The following CACNA1E variants were observed in gnomAD, a reference collection of about 807,000 sequenced individuals.
The protein encoded by CACNA1E is voltage-dependent R-type calcium channel subunit alpha-1E.
CACNA1E carries 40 observed loss-of-function variants against 259.2 expected under a neutral mutation model. The observed-to-expected ratio is 0.15, with a 90% CI of 0.12 to 0.20. CACNA1E has a LOEUF of 0.20. Ranked by LOEUF, CACNA1E falls within the 10% of genes least tolerant of loss-of-function variation. CACNA1E has a pLI of 1.00. For synonymous variants in CACNA1E, 1,104 were observed against 1,138.5 expected, an observed-to-expected ratio of 0.97 and a Z score of 0.61; for missense variants, 1,874 against 3,040.1, an observed-to-expected ratio of 0.62 and a Z score of 9.02.
At chr1:181,618,365 G>A (rs1261819084) in intron 6 of CACNA1E, among the ~76,000 whole-genome samples, 1 of 152,184 alleles carries the variant, frequency 6.6e-6, no homozygotes, top group Non-Finnish European at 1.5e-5. Flanking sequence ...AGGAGTGTGA[G>A]ACCAGCCTGG....
chr1:181,423,139 TTA>T (rs1269709280), intron 2 of CACNA1E, among the ~76,000 whole-genome samples: 5 of 152,128 alleles, frequency 3.3e-5, no homozygotes, highest in African/African-American at 1.2e-4. Context: ...ACAACAATGT[TTA>T]TATGTACAGA....
At chr1:181,615,387 ACCATCTTGG>A in intron 6 of CACNA1E, among the ~76,000 whole-genome samples, 1 of 152,066 alleles carries the variant, frequency 6.6e-6, no homozygotes, top group Non-Finnish European at 1.5e-5. Context: ...ATGTGGTTTC[ACCATCTTGG>A]CCAGGCTGGT....
chr1:181,425,093 G>C (rs974863503), intron 2 of CACNA1E, among the ~76,000 whole-genome samples: 1 of 152,222 alleles, frequency 6.6e-6, no homozygotes, highest in African/African-American at 2.4e-5. Context: ...TTTCAGAAGA[G>C]ATATTTTTTC....
intron 6 of CACNA1E, among the ~76,000 whole-genome samples, chr1:181,611,389 T>C (rs1417382215): frequency 6.7e-6 from 1 of 149,484 alleles, no homozygotes; most frequent in Admixed American, 6.7e-5. Context: ...TTTTGCTTGA[T>C]TTTTAAGTCA....
At chr1:181,324,082 A>C (rs553294133) in intron 1 of CACNA1E, among the ~76,000 whole-genome samples, 109 of 152,036 alleles carry the variant, frequency 7.2e-4, no homozygotes, top group African/African-American at 2.6e-3. Flanking sequence ...TCTTCTACTC[A>C]CCTTTCCCCT....
intron 1 of CACNA1E, among the ~76,000 whole-genome samples, chr1:181,410,037 G>A (rs1033404819): frequency 1.3e-5 from 2 of 152,124 alleles, no homozygotes; most frequent in African/African-American, 2.4e-5. Flanking sequence ...AGACAGACAC[G>A]AGGGAAAGGA....
In CACNA1E at chr1:181,722,142, G is replaced by C. The variant is rs552225744; in HGVS notation, c.2074+267G>C. On this transcript the variant is annotated intron_variant, in intron 16 of 47. Coordinates refer to ENST00000367573, the MANE Select transcript of CACNA1E (RefSeq NM_001205293.3). Reference sequence around the variant, plus strand: ...AGGAGGCTGTTACATTGAATGGTTGGAGGTACTATGAGCTGGGGAACATTA... The same window carrying C: ...AGGAGGCTGTTACATTGAATGGTTGCAGGTACTATGAGCTGGGGAACATTA... Among the ~76,000 whole-genome samples, 3 of 152,282 alleles carry C rather than the reference G, an allele frequency of 2.0e-5. No individual in the cohort carries two copies. The East Asian group carries it at 5.8e-4, about 29-fold the overall frequency.
chr1:181,425,541 G>A (rs11800389), intron 2 of CACNA1E, among the ~76,000 whole-genome samples: 22 of 98,992 alleles, frequency 2.2e-4, no homozygotes, highest in Middle Eastern at 5.0e-3. Flanking sequence ...TCCCCCCCCC[G>A]ACCCCAAGCA....
chr1:181,654,155 TA>T (rs10709240), intron 7 of CACNA1E, among the ~76,000 whole-genome samples: 60,132 of 146,550 alleles, frequency 0.41, 14,059 homozygotes, highest in East Asian at 0.75. Context: ...GCCAATAAAT[TA>T]AAAAAAAAAA....
chr1:181,348,554 T>C (rs16857133), intron 1 of CACNA1E, among the ~76,000 whole-genome samples: 11,709 of 152,190 alleles, frequency 0.077, 645 homozygotes, highest in African/African-American at 0.15. Flanking sequence ...TAACCATTGC[T>C]GTGCTCCTGG....
At position 181,806,860 on chromosome 1, in the gene CACNA1E, G is replaced by GCC. The variant is rs1204940980; in HGVS notation, c.*8027_*8028dup. On this transcript the variant is annotated 3_prime_UTR_variant, in exon 48 of 48. Coordinates refer to ENST00000367573, the MANE Select transcript of CACNA1E (RefSeq NM_001205293.3). ...AAGGGAAATCATGGGAGTGAAGCCT[G>GCC]CCAGGACCCTCAGGGTAAGCTGGCA... 1 of 152,190 alleles carries GCC rather than the reference G, an allele frequency of 6.6e-6. No homozygotes were observed. The highest frequency in any genetic ancestry group is 6.5e-5 in the Admixed American group (1 of 15,276). 9.4% of individuals were successfully genotyped at this position (152,190 alleles called of 1,614,324 possible). A position where few individuals can be genotyped will look rare whatever the true frequency, so the allele number is the denominator to read the frequency against.
intron 2 of CACNA1E, among the ~76,000 whole-genome samples, chr1:181,470,925 A>G (rs553258585): frequency 1.2e-4 from 19 of 152,306 alleles, no homozygotes; most frequent in African/African-American, 4.1e-4. Flanking sequence ...TTTTGCTCCT[A>G]TAACAAAATA....
chr1:181,347,639 G>A (rs1179768004), intron 1 of CACNA1E, among the ~76,000 whole-genome samples: 1 of 152,178 alleles, frequency 6.6e-6, no homozygotes, highest in Non-Finnish European at 1.5e-5. Flanking sequence ...GGTTTGTTGT[G>A]ACTCAGGCCT....
At chr1:181,462,417 T>C (rs2102380084) in intron 2 of CACNA1E, among the ~76,000 whole-genome samples, 1 of 152,356 alleles carries the variant, frequency 6.6e-6, no homozygotes, top group African/African-American at 2.4e-5. Flanking sequence ...CTCTGGGTAT[T>C]TCAGTTAGTA....
chr1:181,603,686 A>G (rs1283472725), intron 6 of CACNA1E, among the ~76,000 whole-genome samples: 1 of 151,976 alleles, frequency 6.6e-6, no homozygotes, highest in East Asian at 1.9e-4. Context: ...AGGCTTTGGG[A>G]CATATGAAGA....
At chr1:181,681,964 A>G (rs1650017789) in intron 7 of CACNA1E, among the ~76,000 whole-genome samples, 1 of 152,100 alleles carries the variant, frequency 6.6e-6, no homozygotes, top group South Asian at 2.1e-4. Flanking sequence ...CTTCAGCCAC[A>G]CTTTCTATAA....
At chr1:181,342,411 A>C (rs1488957372) in intron 1 of CACNA1E, among the ~76,000 whole-genome samples, 1 of 152,164 alleles carries the variant, frequency 6.6e-6, no homozygotes, top group Non-Finnish European at 1.5e-5. Context: ...TAGCAACATC[A>C]TTCATAACAG....
chr1:181,530,839 G>T (rs1667725971), intron 3 of CACNA1E, among the ~76,000 whole-genome samples: 1 of 152,130 alleles, frequency 6.6e-6, no homozygotes, highest in Admixed American at 6.5e-5. Context: ...AGGAGCTGCT[G>T]GGCTGGAGAG....
chr1:181,772,862 C>CTTTATAT (rs1460809753), intron 37 of CACNA1E, among the ~76,000 whole-genome samples: 1 of 152,114 alleles, frequency 6.6e-6, no homozygotes, highest in Admixed American at 6.5e-5. Context: ...GGAGCATACC[C>CTTTATAT]ACCTATAAAG....
Sources: allele counts gnomAD v4.1 joint callset (sites outside exome capture counted in the v4.1 genomes callset), GRCh38; gene constraint gnomAD v4.1.1; transcripts MANE v1.5; gene names NCBI Gene and HGNC (gene_info 2026-07-23, HGNC 2026-07-21).